LAMC3: variants seen among roughly 807,000 people sequenced by gnomAD.
LAMC3 encodes the protein laminin subunit gamma-3.
In LAMC3, 128 loss-of-function variants were observed where a neutral mutation model predicts 173.8. The ratio of observed to expected loss-of-function variants is 0.74; its 90% CI spans 0.64 to 0.85. The LOEUF is 0.85. Among genes scored for constraint, LAMC3 ranks in the 40% least tolerant of loss-of-function variants. The pLI is 0.00. For synonymous variants in LAMC3, 897 were observed against 909.1 expected, an observed-to-expected ratio of 0.99 and a Z score of 0.24; for missense variants, 2,022 against 2,156.0, an observed-to-expected ratio of 0.94 and a Z score of 1.23.
rs763881074 is a variant in LAMC3, at chr9:131,039,044, A to G, written c.1157A>G (p.Gln386Arg). The G allele has an allele frequency of 3.1e-6, 5 of 1,613,384 alleles. No individual in the cohort carries two copies. The South Asian group carries it at 5.5e-5, about 18-fold the overall frequency. Reference sequence around the variant, plus strand: ...ATGCCATGCCAGCCCTGTGACTGCCAGTCGGCAGGTGAGTGGACTCCACAT... The same window carrying G: ...ATGCCATGCCAGCCCTGTGACTGCCGGTCGGCAGGTGAGTGGACTCCACAT... Reference protein sequence around the residue: ...PRMPCQPCDCQSAGSLHLQCD... With the variant: ...PRMPCQPCDCRSAGSLHLQCD... Residue 386 changes from glutamine (Q) to arginine (R), a missense_variant, in exon 5 of 28, where the codon CAG becomes CGG. Coordinates refer to ENST00000361069, the MANE Select transcript of LAMC3 (RefSeq NM_006059.4).
At chr9:131,082,213 A>T in intron 24 of LAMC3, 52 bp downstream of exon 24, 1 of 1,342,364 alleles carries the variant, frequency 7.4e-7, no homozygotes, top group South Asian at 1.2e-5. Flanking sequence ...CGCCCCTGAC[A>T]GCCACTCACC....
chr9:131,025,163 C>T (rs1372410959), intron 1 of LAMC3, among the ~76,000 whole-genome samples: 1 of 152,186 alleles, frequency 6.6e-6, no homozygotes, highest in African/African-American at 2.4e-5. Context: ...ACCCCAGGCT[C>T]CCTCTCCGCC....
chr9:131,050,391 C>T (rs1375996677), intron 9 of LAMC3, among the ~76,000 whole-genome samples: 4 of 152,198 alleles, frequency 2.6e-5, no homozygotes, highest in Admixed American at 1.3e-4. Context: ...ATGAACACAT[C>T]GACCCTCTGG....
rs73658913 is a variant in LAMC3 at position 131,044,773 on chromosome 9, C to T, written c.1383-751C>T. ...ATCAGACATTCTAAAAATACCTGAT[C>T]AGTGCTTTTCAAAAAGTGTCAAGAT... On this transcript the variant is annotated intron_variant, in intron 7 of 27. Transcript: ENST00000361069. Among the ~76,000 whole-genome samples the T allele has an allele frequency of 5.1e-3, 782 of 152,308 alleles. 5 individuals are homozygous for T. The highest frequency in any genetic ancestry group is 0.018 in the African/African-American group (735 of 41,558).
intron 1 of LAMC3, among the ~76,000 whole-genome samples, chr9:131,016,874 T>C (rs1564362440): frequency 6.6e-6 from 1 of 152,366 alleles, no homozygotes; most frequent in African/African-American, 2.4e-5. Context: ...TTCTACATTT[T>C]CCCAGTATTC....
intron 7 of LAMC3, among the ~76,000 whole-genome samples, 175 bp downstream of exon 7, chr9:131,041,910 C>T (rs1295662406): frequency 1.3e-5 from 2 of 152,188 alleles, no homozygotes; most frequent in African/African-American, 4.8e-5. Flanking sequence ...CAGGAAGTTA[C>T]TCAAAAGCTT....
rs748419404 is a variant in LAMC3, at chr9:131,038,881, C to A, written c.994C>A (p.Arg332Ser). The A allele has an allele frequency of 6.2e-7, 1 of 1,613,174 alleles. No individual in the cohort carries two copies. The highest frequency in any genetic ancestry group is 8.5e-7 in the Non-Finnish European group (1 of 1,180,032). Residue 332 changes from arginine (R) to serine (S), a missense_variant, in exon 5 of 28, where the codon CGC (arginine) becomes AGC (serine). By Grantham distance (110) the Arg-to-Ser change is moderately radical. Transcript: ENST00000361069. ...GCCCATAGCCTGCAACTGCAGTGGC[C>A]GCTCCGAGGAATGCACGTTTGATCG... The part of the protein sequence containing the change: ...HECLPCNCSG[R>S]SEECTFDREL...
intron 3 of LAMC3, among the ~76,000 whole-genome samples, chr9:131,034,451 C>T (rs769247668): frequency 2.0e-5 from 3 of 152,252 alleles, no homozygotes; most frequent in Non-Finnish European, 4.4e-5. Flanking sequence ...GCCGCAACAG[C>T]GGTTGGTGAT....
chr9:131,077,153 T>C, intron 21 of LAMC3, 34 bp from the exon 22 acceptor site: 1 of 1,611,542 alleles, frequency 6.2e-7, no homozygotes, highest in South Asian at 1.1e-5. Flanking sequence ...GGGCTAGTTC[T>C]GCACCCAGCT....
intron 18 of LAMC3, among the ~76,000 whole-genome samples, chr9:131,072,023 G>C (rs1217841395): frequency 6.6e-6 from 1 of 152,038 alleles, no homozygotes; most frequent in Middle Eastern, 3.2e-3. Flanking sequence ...GGCCAGGTGT[G>C]GTGGCTCGTT....
At chr9:131,042,633 T>A (rs1834076602) in intron 7 of LAMC3, among the ~76,000 whole-genome samples, 1 of 151,890 alleles carries the variant, frequency 6.6e-6, no homozygotes, top group South Asian at 2.1e-4. Flanking sequence ...GCATCACTAA[T>A]GGAGCACTAT....
At position 131,087,465 on chromosome 9, in the gene LAMC3, C is replaced by T. The variant is rs758335660; in HGVS notation, c.4231-11C>T. On this transcript the variant is annotated splice_polypyrimidine_tract_variant and intron_variant, in intron 25 of 27. Coordinates refer to ENST00000361069, the MANE Select transcript of LAMC3 (RefSeq NM_006059.4). The stretch of plus-strand genomic sequence containing the variant: ...CACTTCTTCTCCCTGCCACTGCCAC[C>T]CATCCCATAGCTTGCCAAGGCCTTG... 3.8e-5 allele frequency: 62 copies of T among 1,613,612 alleles called. No homozygotes were observed. Among genetic ancestry groups the T allele is most frequent in the Non-Finnish European group, 5.2e-5 (61 of 1,179,970 alleles).
In LAMC3 at chr9:131,075,812, G is replaced by C; in HGVS notation, c.3495-19G>C. On this transcript the variant is annotated intron_variant, in intron 20 of 27. Transcript: ENST00000361069. ...CCCTGCGAGCCCTTGGTAATGCTCA[G>C]GTGGGTGTCCTCACACAGCCACAGA... 1 of 1,605,628 alleles carries C rather than the reference G, an allele frequency of 6.2e-7. No individual in the cohort carries two copies. Among genetic ancestry groups the C allele is most frequent in the Non-Finnish European group, 8.5e-7 (1 of 1,177,302 alleles).
chr9:131,081,756 T>C (rs1830246692), intron 23 of LAMC3, among the ~76,000 whole-genome samples: 1 of 152,224 alleles, frequency 6.6e-6, no homozygotes, highest in Non-Finnish European at 1.5e-5. Flanking sequence ...ATTACAGGTG[T>C]GAGTCTCTGT....
intron 13 of LAMC3, among the ~76,000 whole-genome samples, chr9:131,062,608 C>A (rs1042247245): frequency 6.6e-6 from 1 of 152,130 alleles, no homozygotes; most frequent in African/African-American, 2.4e-5. Flanking sequence ...GTGGCTCATG[C>A]CTGTAATCTC....
Position 131,077,452 on chromosome 9 carries a change from G to A in LAMC3, c.3777+118G>A, listed in dbSNP as rs978392474. The A allele has an allele frequency of 4.6e-6, 6 of 1,310,422 alleles. No homozygotes were observed. The African/African-American group carries it at 8.7e-5, about 19-fold the overall frequency. The allele number at this position is 1,310,422 out of a possible 1,614,324, so 81.2% of individuals were successfully genotyped here. A position where few individuals can be genotyped will look rare whatever the true frequency, so the allele number is the denominator to read the frequency against. On this transcript the variant is annotated intron_variant, in intron 22 of 27. Coordinates refer to ENST00000361069, the MANE Select transcript of LAMC3 (RefSeq NM_006059.4). The stretch of plus-strand genomic sequence containing the variant: ...AGCACTTTGGGAGGCCGAGGCGGGT[G>A]GATCACCTGAGGTCAGGAGTTTGAG...
At chr9:131,060,430 G>T (rs1320650286) in intron 12 of LAMC3, among the ~76,000 whole-genome samples, 1 of 152,092 alleles carries the variant, frequency 6.6e-6, no homozygotes. Context: ...AATCGCTTGA[G>T]GTCAGGAGTT....
chr9:131,026,646 G>A lies in LAMC3; in HGVS notation c.678+57G>A. On this transcript the variant is annotated intron_variant, in intron 2 of 27. Transcript: ENST00000361069. The surrounding 1 kb of genome is among the most constrained non-coding windows in gnomAD (Gnocchi z 4.8). Reference sequence around the variant, plus strand: ...ACGGGGTTGGGACTGGGTCACGGCAGTAGGAGGGTCTGATGTGCCAGGACA... The same window carrying A: ...ACGGGGTTGGGACTGGGTCACGGCAATAGGAGGGTCTGATGTGCCAGGACA... 4.7e-6 allele frequency: 7 copies of A among 1,491,360 alleles called. No individual in the cohort carries two copies. Among genetic ancestry groups the A allele is most frequent in the Non-Finnish European group, 6.2e-6 (7 of 1,121,338 alleles). 92.4% of individuals were successfully genotyped at this position (1,491,360 alleles called of 1,614,324 possible). A position where few individuals can be genotyped will look rare whatever the true frequency, so the allele number is the denominator to read the frequency against.
intron 1 of LAMC3, among the ~76,000 whole-genome samples, chr9:131,022,752 A>G (rs561483575): frequency 6.6e-6 from 1 of 151,138 alleles, no homozygotes; most frequent in African/African-American, 2.4e-5. Flanking sequence ...TTATTTATTT[A>G]TTTTTTGTAG....
Sources: allele counts gnomAD v4.1 joint callset (sites outside exome capture counted in the v4.1 genomes callset), GRCh38; gene constraint gnomAD v4.1.1; non-coding constraint Gnocchi (gnomAD v3.1); transcripts MANE v1.5; gene names NCBI Gene and HGNC (gene_info 2026-07-23, HGNC 2026-07-21).